Variants in TFEC observed in about 807,000 individuals in gnomAD.
The protein encoded by TFEC is transcription factor EC, also known as class E basic helix-loop-helix protein 34.
Under a neutral mutation model 41.6 loss-of-function variants are expected in TFEC, and 31 were observed. The ratio of observed to expected loss-of-function variants is 0.74; its 90% CI spans 0.56 to 1.01. The LOEUF (loss-of-function observed/expected upper bound fraction) is 1.01, where lower values mean the gene tolerates loss of function less well. Among genes scored for constraint, TFEC ranks in the 50% least tolerant of loss-of-function variants. The probability of loss-of-function intolerance (pLI) is 0.00; values close to 1 mark genes in which losing one functional copy is unlikely to be tolerated. For missense variants in TFEC, 402 were observed against 404.1 expected, an observed-to-expected ratio of 0.99 and a Z score of 0.04; for synonymous variants, 143 against 140.6, an observed-to-expected ratio of 1.02 and a Z score of -0.12.
At chr7:116,072,961 G>T (rs1251598541) in intron 3 of TFEC, among the ~76,000 whole-genome samples, 3 of 151,290 alleles carry the variant, frequency 2.0e-5, no homozygotes, top group Admixed American at 1.3e-4. Flanking sequence ...AGGGTCCAGA[G>T]AGTGCAATTA....
chr7:116,008,602 G>T (rs1026682726), intron 1 of TFEC, among the ~76,000 whole-genome samples: 1 of 152,078 alleles, frequency 6.6e-6, no homozygotes, highest in East Asian at 1.9e-4. Context: ...CTACCTCCTA[G>T]GTACCAACTC....
chr7:116,046,367 C>A (rs1416823877), intron 3 of TFEC, among the ~76,000 whole-genome samples: 2 of 152,182 alleles, frequency 1.3e-5, no homozygotes, highest in African/African-American at 4.8e-5. Context: ...TTTTCCTGTG[C>A]TATTCTCGTG....
chr7:116,003,835 A>T lies in TFEC; in HGVS notation c.-72-19322T>A, dbSNP rs183177461. On this transcript the variant is annotated intron_variant, in intron 1 of 7. Transcript: ENST00000265440. ...ACAAATCAATAACAAAAAGATAGCT[A>T]AAAAAAACCCTCAAAATATTTGGAG... Among the ~76,000 whole-genome samples the T allele has an allele frequency of 1.4e-3, 209 of 151,922 alleles. 1 individual carries two copies. Among genetic ancestry groups the T allele is most frequent in the Non-Finnish European group, 2.2e-3 (151 of 67,960 alleles).
At chr7:116,104,818 C>A (rs991254385) in intron 3 of TFEC, among the ~76,000 whole-genome samples, 1 of 150,946 alleles carries the variant, frequency 6.6e-6, no homozygotes, top group Non-Finnish European at 1.5e-5. Context: ...GGGTGTTCAG[C>A]GTAAATGTAA....
chr7:116,097,097 A>AAAAG (rs201731107), intron 3 of TFEC, among the ~76,000 whole-genome samples: 1 of 151,040 alleles, frequency 6.6e-6, no homozygotes, highest in South Asian at 2.1e-4. Context: ...TCAAAAAAAA[A>AAAAG]AAAGAAAGAA....
chr7:116,115,121 G>C (rs1334911610), intron 1 of TFEC, among the ~76,000 whole-genome samples: 1 of 151,986 alleles, frequency 6.6e-6, no homozygotes, highest in Admixed American at 6.6e-5. Flanking sequence ...TGGATGTTAA[G>C]ATGTATTTTT....
At chr7:116,115,153 G>A (rs761835319) in intron 1 of TFEC, among the ~76,000 whole-genome samples, 31 of 151,960 alleles carry the variant, frequency 2.0e-4, no homozygotes, top group Admixed American at 6.6e-4. Context: ...CTAGGAACAC[G>A]GAGCCTATAA....
intron 1 of TFEC, among the ~76,000 whole-genome samples, chr7:116,008,975 A>G (rs1794903416): frequency 6.6e-6 from 1 of 152,194 alleles, no homozygotes; most frequent in African/African-American, 2.4e-5. Flanking sequence ...GAAAAGATCC[A>G]CACTTAAAAG....
In TFEC at chr7:115,999,653, G is replaced by A. The variant is rs1275539263; in HGVS notation, c.-72-15140C>T. Among the ~76,000 whole-genome samples, 3 of 151,948 alleles carry A rather than the reference G, an allele frequency of 2.0e-5. No homozygotes were observed. The East Asian group carries it at 5.8e-4, about 29-fold the overall frequency. ...AGATGAAAAAGGAGACATTACAACT[G>A]ATATCACAGACATTCAAATGATTAT... On this transcript the variant is annotated intron_variant, in intron 1 of 7. Transcript: ENST00000265440.
At chr7:116,120,304 T>C (rs898187315) in intron 1 of TFEC, 3 of 151,998 alleles carry the variant, frequency 2.0e-5, no homozygotes, top group African/African-American at 7.2e-5. Flanking sequence ...TTTCTCTCCA[T>C]GGAATTTTCT....
rs1436054502 is a variant in TFEC, at chr7:115,984,260, A to G, written c.180+2T>C. On this transcript the variant is annotated splice_donor_variant, in intron 2 of 7. Transcript: ENST00000265440. LOFTEE classifies it high-confidence loss of function. ...ATTTTTATAACCAGCCATTAGACAT[A>G]CATGCCATTGTGCATTGTCATCTTC... 12 of 1,612,678 alleles carry G rather than the reference A, an allele frequency of 7.4e-6. No homozygotes were observed. The East Asian group carries it at 2.2e-4, about 30-fold the overall frequency.
chr7:116,041,731 G>A (rs1318321362), intron 3 of TFEC, among the ~76,000 whole-genome samples: 1 of 152,164 alleles, frequency 6.6e-6, no homozygotes, highest in Non-Finnish European at 1.5e-5. Flanking sequence ...GAAAAACCCA[G>A]AGATTTCACA....
intron 1 of TFEC, among the ~76,000 whole-genome samples, chr7:116,009,406 A>G (rs1794918085): frequency 6.6e-6 from 1 of 152,170 alleles, no homozygotes. Context: ...AAATGTAAGT[A>G]ATGATACTTA....
chr7:115,948,754 C>A (rs1489448329), intron 6 of TFEC, among the ~76,000 whole-genome samples: 1 of 148,568 alleles, frequency 6.7e-6, no homozygotes, highest in African/African-American at 2.5e-5. Context: ...ACTGAATGGG[C>A]AAAAACTGGA....
intron 3 of TFEC, among the ~76,000 whole-genome samples, chr7:115,972,133 C>T (rs1039093312): frequency 2.0e-5 from 3 of 152,038 alleles, no homozygotes; most frequent in African/African-American, 7.2e-5. Context: ...GTTCTCTTAA[C>T]TTGCTACTTT....
intron 3 of TFEC, among the ~76,000 whole-genome samples, chr7:116,089,261 G>A (rs1291438181): frequency 1.3e-5 from 2 of 152,026 alleles, no homozygotes; most frequent in East Asian, 3.9e-4. Context: ...AAGAACCTTG[G>A]AAAAATAGGA....
At chr7:116,013,202 A>C (rs553997124) in intron 1 of TFEC, among the ~76,000 whole-genome samples, 1 of 152,232 alleles carries the variant, frequency 6.6e-6, no homozygotes, top group South Asian at 2.1e-4. Context: ...GTTTTACTTA[A>C]CTAATAAATG....
rs180709818 is a variant in TFEC, at chr7:116,029,958, T to C, written c.-73+675A>G. On this transcript the variant is annotated intron_variant, in intron 1 of 7. Transcript: ENST00000265440. ...GCGCATGCCTGTAATCCCAGCTACTTGGAAGGCTGAGGCAGGAGAATCACT... is the reference window on the plus strand; with the variant it reads ...GCGCATGCCTGTAATCCCAGCTACTCGGAAGGCTGAGGCAGGAGAATCACT... 4.3e-3 allele frequency among the ~76,000 whole-genome samples: 654 copies of C among 151,478 alleles called. 6 individuals carry two copies. Among genetic ancestry groups the C allele is most frequent in the African/African-American group, 0.015 (618 of 41,334 alleles).
At chr7:115,942,228 C>T (rs2130198531) in intron 6 of TFEC, among the ~76,000 whole-genome samples, 188 bp from the exon 7 acceptor site, 1 of 151,884 alleles carries the variant, frequency 6.6e-6, no homozygotes, top group Admixed American at 6.6e-5. Context: ...AAATTAATCC[C>T]AGAATGAAAA....
Sources: allele counts gnomAD v4.1 joint callset (sites outside exome capture counted in the v4.1 genomes callset), GRCh38; gene constraint gnomAD v4.1.1; transcripts MANE v1.5; gene names NCBI Gene and HGNC (gene_info 2026-07-23, HGNC 2026-07-21).